ABCC9: variants seen among roughly 807,000 people sequenced by gnomAD.
The protein encoded by ABCC9 is ATP-binding cassette sub-family C member 9.
Under a neutral mutation model 188.3 loss-of-function variants are expected in ABCC9, and 95 were observed. The observed-to-expected ratio is 0.50, with a 90% CI of 0.43 to 0.60. The LOEUF (loss-of-function observed/expected upper bound fraction) is 0.60. ABCC9 is among the 20% of genes least tolerant of loss of function. ABCC9 has a pLI of 0.00. For missense variants in ABCC9, 1,102 were observed against 1,876.3 expected (o/e 0.59, Z 7.62); for synonymous variants, 659 against 652.7 (o/e 1.01, Z -0.15).
At chr12:21,863,814 A>G (rs866265768) in intron 19 of ABCC9, among the ~76,000 whole-genome samples, 9 of 152,266 alleles carry the variant, frequency 5.9e-5, no homozygotes, top group Middle Eastern at 6.8e-3. Context: ...TAAAGTACTG[A>G]TGAAGGAAAT....
rs61926071 is a variant in ABCC9 at position 21,842,202 on chromosome 12, G to A, written c.3473+112C>T. On this transcript the variant is annotated intron_variant, in intron 29 of 39. Transcript: ENST00000261200. Reference sequence around the variant, plus strand: ...TTCAAGTTTTGTGTTTTGGAACTTCGTGGAATGTTTTCTTTCCAAATATTT... The same window carrying A: ...TTCAAGTTTTGTGTTTTGGAACTTCATGGAATGTTTTCTTTCCAAATATTT... The A allele has an allele frequency of 0.033, 43,606 of 1,331,760 alleles. 820 individuals carry two copies. Among genetic ancestry groups the A allele is most frequent in the Non-Finnish European group, 0.039 (37,437 of 956,232 alleles). The allele number at this position is 1,331,760 out of a possible 1,614,324, so 82.5% of individuals were successfully genotyped here. A position where few individuals can be genotyped will look rare whatever the true frequency, so the allele number is the denominator to read the frequency against.
At chr12:21,936,430 A>T in intron 3 of ABCC9, 103 bp downstream of exon 3, 1 of 1,007,336 alleles carries the variant, frequency 9.9e-7, no homozygotes. Flanking sequence ...CACAGCCATC[A>T]GCTTCCATGT....
chr12:21,815,993 ATT>A, intron 33 of ABCC9, 100 bp from the exon 34 acceptor site: 1 of 507,030 alleles, frequency 2.0e-6, no homozygotes, highest in Non-Finnish European at 2.7e-6. Flanking sequence ...ATATATATAT[ATT>A]TTTCTAAATT....
chr12:21,799,700 A>C lies in ABCC9; in HGVS notation c.*1344T>G, dbSNP rs1008181421. On this transcript the variant is annotated 3_prime_UTR_variant, in exon 40 of 40. Coordinates refer to ENST00000261200, the MANE Select transcript of ABCC9 (RefSeq NM_020297.4). ...CACAGAAACTATAGGAAAGTGGCAT[A>C]ATTTCTCTTAATTCATCAATTTTAT... 2 of 152,210 alleles carry C rather than the reference A, an allele frequency of 1.3e-5. No individual in the cohort carries two copies. Among genetic ancestry groups the C allele is most frequent in the Admixed American group, 6.5e-5 (1 of 15,274 alleles). The allele number at this position is 152,210 out of a possible 1,614,324, so 9.4% of individuals were successfully genotyped here. A position where few individuals can be genotyped will look rare whatever the true frequency, so the allele number is the denominator to read the frequency against.
chr12:21,933,784 G>C lies in ABCC9; in HGVS notation c.282C>G (p.Asp94Glu). The C allele has an allele frequency of 6.2e-7, 1 of 1,613,454 alleles. No individual in the cohort carries two copies. The highest frequency in any genetic ancestry group is 8.5e-7 in the Non-Finnish European group (1 of 1,179,532). ...VCEIAEGIVS[D>E]SRRESRHLHL... ...ATTATTTAACTTAGATCACTTACGA[G>C]TCTGAAACAATGCCTTCTGCTATTT... is the stretch of plus-strand genomic sequence containing the variant. Residue 94 changes from aspartate (D) to glutamate (E), a missense_variant and splice_region_variant, in exon 4 of 40, where the codon GAC becomes GAG. Transcript: ENST00000261200.
At chr12:21,826,352 C>A (rs572811579) in intron 31 of ABCC9, among the ~76,000 whole-genome samples, 124 of 152,088 alleles carry the variant, frequency 8.2e-4, no homozygotes, top group African/African-American at 2.9e-3. Context: ...CTCCAAGGTA[C>A]TATATCTCAA....
intron 4 of ABCC9, among the ~76,000 whole-genome samples, chr12:21,930,454 AAAG>A (rs1949239086): frequency 6.6e-6 from 1 of 152,194 alleles, no homozygotes; most frequent in African/African-American, 2.4e-5. Flanking sequence ...AGGAGGAAGG[AAAG>A]AAGTTAAATG....
At position 21,818,153 on chromosome 12, in the gene ABCC9, A is replaced by G. The variant is rs150303433; in HGVS notation, c.3768T>C (p.Leu1256=). The change falls in exon 32 of 40, where the codon CTT becomes CTC. Residue 1256 remains leucine (L), a synonymous_variant. Transcript: ENST00000261200. The stretch of plus-strand genomic sequence containing the variant: ...TAATATTTTTATCCATACCTACCGT[A>G]AGTGCATACAGAAGACCCAAGCCTA... The part of the protein sequence containing the change: ...GLVGLGLLYA[L]TITNYLNWVV... 3,325 of 1,606,382 alleles carry G rather than the reference A, an allele frequency of 2.1e-3. 9 individuals are homozygous for G. Among genetic ancestry groups the G allele is most frequent in the Admixed American group, 2.5e-3 (149 of 59,962 alleles).
chr12:21,828,345 C>A (rs902214202), intron 31 of ABCC9: 5 of 154,842 alleles, frequency 3.2e-5, no homozygotes, highest in African/African-American at 1.2e-4. Context: ...ATGCATTTGC[C>A]AATCAGTGTA....
chr12:21,902,671 G>A (rs551550774), intron 12 of ABCC9, among the ~76,000 whole-genome samples: 2 of 152,170 alleles, frequency 1.3e-5, no homozygotes, highest in African/African-American at 4.8e-5. Flanking sequence ...ACACCTCTAT[G>A]CAAATAAACA....
In ABCC9 at chr12:21,817,085, C is replaced by G. The variant is rs2638441; in HGVS notation, c.3892+102G>C. ...AAGATATGAGAGAGTTTTCTGGATA[C>G]TGAAGTGGAAAGCAAAAGCAGAAAC... On this transcript the variant is annotated intron_variant, in intron 33 of 39. Coordinates refer to ENST00000261200, the MANE Select transcript of ABCC9 (RefSeq NM_020297.4). 5 of 1,315,978 alleles carry G rather than the reference C, an allele frequency of 3.8e-6. No homozygotes were observed. In the African/African-American group the frequency reaches 7.3e-5, roughly 19 times the overall value. 81.5% of individuals were successfully genotyped at this position (1,315,978 alleles called of 1,614,324 possible). A position where few individuals can be genotyped will look rare whatever the true frequency, so the allele number is the denominator to read the frequency against.
chr12:21,803,618 G>GCA (rs1190637896), intron 39 of ABCC9, among the ~76,000 whole-genome samples: 2 of 144,552 alleles, frequency 1.4e-5, no homozygotes, highest in Non-Finnish European at 3.0e-5. Context: ...TCGAGCCATT[G>GCA]CACTCCAGCC....
intron 11 of ABCC9, among the ~76,000 whole-genome samples, chr12:21,907,123 C>T (rs1831809008): frequency 6.6e-6 from 1 of 152,156 alleles, no homozygotes; most frequent in Admixed American, 6.6e-5. Flanking sequence ...AAATGCCTAT[C>T]AAATGATTGT....
chr12:21,883,333 C>T (rs930016180), intron 15 of ABCC9, among the ~76,000 whole-genome samples: 2 of 152,104 alleles, frequency 1.3e-5, no homozygotes, highest in East Asian at 1.9e-4. Context: ...GATCTTTTCC[C>T]GTGTTGTTCT....
At chr12:21,801,927 CATAG>C (rs1380454892) in intron 39 of ABCC9, among the ~76,000 whole-genome samples, 1 of 152,118 alleles carries the variant, frequency 6.6e-6, no homozygotes, top group Non-Finnish European at 1.5e-5. Flanking sequence ...CAGGAGGTCA[CATAG>C]ATAGTAAGTA....
At chr12:21,895,432 A>G in intron 12 of ABCC9, 117 bp from the exon 13 acceptor site, 1 of 917,754 alleles carries the variant, frequency 1.1e-6, no homozygotes, top group African/African-American at 1.7e-5. Flanking sequence ...AAGAGTATTA[A>G]ATGTCATTTT....
At chr12:21,809,024 T>C (rs1344960891) in intron 37 of ABCC9, among the ~76,000 whole-genome samples, 1 of 152,154 alleles carries the variant, frequency 6.6e-6, no homozygotes, top group Non-Finnish European at 1.5e-5. Context: ...GTAGGTTGAC[T>C]TTTTAAAAAC....
chr12:21,876,735 G>A (rs1378550095), intron 16 of ABCC9, among the ~76,000 whole-genome samples: 1 of 152,152 alleles, frequency 6.6e-6, no homozygotes, highest in East Asian at 1.9e-4. Context: ...AAAATCAGGA[G>A]AAATTGAAGA....
chr12:21,833,255 C>A (rs1358887962), intron 30 of ABCC9, among the ~76,000 whole-genome samples: 2 of 151,776 alleles, frequency 1.3e-5, no homozygotes, highest in African/African-American at 4.8e-5. Flanking sequence ...ATTGCCTGTT[C>A]CCAAAAAACC....
Sources: gnomAD v4.1 joint callset for allele counts (sites outside exome capture counted in the v4.1 genomes callset) on GRCh38, gnomAD v4.1.1 for gene constraint, MANE v1.5 for transcripts, NCBI Gene and HGNC (gene_info 2026-07-23, HGNC 2026-07-21) for gene names.